The following FCHSD2 variants were observed in gnomAD, a reference collection of about 807,000 sequenced individuals.
FCHSD2 encodes F-BAR and double SH3 domains protein 2.
In FCHSD2, 38 loss-of-function variants were observed where a neutral mutation model predicts 108.1. That is an observed-to-expected ratio of 0.35 (90% CI 0.27 to 0.46). FCHSD2 has a LOEUF of 0.46. Among genes scored for constraint, FCHSD2 ranks in the 20% least tolerant of loss-of-function variants. FCHSD2 has a pLI of 1.00. For synonymous variants in FCHSD2, 279 were observed against 314.7 expected, an observed-to-expected ratio of 0.89 and a Z score of 1.20; for missense variants, 751 against 897.8, an observed-to-expected ratio of 0.84 and a Z score of 2.09.
At chr11:72,864,075 G>A (rs1264834567) in intron 13 of FCHSD2, among the ~76,000 whole-genome samples, 1 of 152,134 alleles carries the variant, frequency 6.6e-6, no homozygotes, top group African/African-American at 2.4e-5. Flanking sequence ...TTATTTATAT[G>A]CAACTCTGCA....
At chr11:72,992,175 G>C (rs1736231113) in intron 5 of FCHSD2, among the ~76,000 whole-genome samples, 1 of 152,090 alleles carries the variant, frequency 6.6e-6, no homozygotes. Flanking sequence ...GCTTCAAAGA[G>C]AATAAAATAC....
At chr11:72,841,849 G>A (rs1860963780) in intron 17 of FCHSD2, among the ~76,000 whole-genome samples, 1 of 151,952 alleles carries the variant, frequency 6.6e-6, no homozygotes, top group Non-Finnish European at 1.5e-5. Context: ...TACTCTCTAG[G>A]GTTCTATTGA....
chr11:73,060,513 G>A (rs540423917), intron 3 of FCHSD2, among the ~76,000 whole-genome samples: 2 of 152,004 alleles, frequency 1.3e-5, no homozygotes, highest in African/African-American at 4.8e-5. Context: ...GTTTTCCAGG[G>A]GAAATAATCA....
chr11:72,915,929 A>T (rs1408800700), intron 9 of FCHSD2, among the ~76,000 whole-genome samples: 1 of 152,252 alleles, frequency 6.6e-6, no homozygotes, highest in Non-Finnish European at 1.5e-5. Flanking sequence ...ACATGAATGG[A>T]GCTGGAGGCC....
chr11:73,105,192 G>T (rs538429743), intron 2 of FCHSD2, among the ~76,000 whole-genome samples: 3 of 152,266 alleles, frequency 2.0e-5, no homozygotes, highest in African/African-American at 4.8e-5. Flanking sequence ...CTGGTTAGGT[G>T]GGGGGAAGAC....
intron 12 of FCHSD2, among the ~76,000 whole-genome samples, chr11:72,880,868 GAA>G (rs147665190): frequency 2.2e-5 from 3 of 134,252 alleles, no homozygotes; most frequent in Admixed American, 7.6e-5. Context: ...ACCCTGTCTC[GAA>G]AAAAAAAAAA....
chr11:73,015,773 G>T (rs762337893), intron 4 of FCHSD2, 36 bp downstream of exon 4: 1 of 1,351,078 alleles, frequency 7.4e-7, no homozygotes, highest in Non-Finnish European at 1.0e-6. Flanking sequence ...AAGTAAAACC[G>T]TTTCTAAAGA....
intron 4 of FCHSD2, among the ~76,000 whole-genome samples, chr11:73,001,719 T>C (rs1290045224): frequency 6.6e-6 from 1 of 152,216 alleles, no homozygotes; most frequent in African/African-American, 2.4e-5. Context: ...GTCTATTTTG[T>C]CTGACAAAAG....
intron 3 of FCHSD2, among the ~76,000 whole-genome samples, chr11:73,038,793 G>A (rs1232423397): frequency 1.3e-5 from 2 of 151,978 alleles, no homozygotes; most frequent in African/African-American, 4.8e-5. Flanking sequence ...TCGGCATCAT[G>A]CAATATATTT....
chr11:73,142,126 G>C lies in FCHSD2; in HGVS notation c.-249C>G, dbSNP rs1861264636. On this transcript the variant is annotated 5_prime_UTR_variant, in exon 1 of 20. Transcript: ENST00000409418. The stretch of plus-strand genomic sequence containing the variant: ...GGCCCGGGCGGCCCGGGCGGCCCGG[G>C]GGTGTGTGAGGAAGGAGGCGGAGAC... 2.7e-6 allele frequency: 1 copy of C among 366,820 alleles called. No individual in the cohort carries two copies. Among genetic ancestry groups the C allele is most frequent in the South Asian group, 5.0e-5 (1 of 20,066 alleles). The allele number at this position is 366,820 out of a possible 1,614,324, so 22.7% of individuals were successfully genotyped here.
intron 2 of FCHSD2, among the ~76,000 whole-genome samples, chr11:73,090,078 GATGA>G (rs1859916887): frequency 6.6e-6 from 1 of 152,046 alleles, no homozygotes; most frequent in Non-Finnish European, 1.5e-5. Context: ...AGGGAAAAAA[GATGA>G]ATTATCAGTA....
At position 72,842,743 on chromosome 11, in the gene FCHSD2, G is replaced by T; in HGVS notation, c.1804C>A (p.Gln602Lys). ...AIIRILNKENQDDDGFWEGEF... is the reference protein window; with the variant it reads ...AIIRILNKENKDDDGFWEGEF... ...CCTTCCCAGAAGCCATCATCATCTT[G>T]GTTTTCTTTGTTCAAGATACGGATT... Residue 602 changes from glutamine (Q) to lysine (K), a missense_variant, in exon 17 of 20, where the codon CAA (glutamine) becomes AAA (lysine). By Grantham distance (53) the Gln-to-Lys change is moderately conservative. Transcript: ENST00000409418. The T allele has an allele frequency of 6.2e-7, 1 of 1,613,856 alleles. No individual in the cohort carries two copies. The highest frequency in any genetic ancestry group is 8.5e-7 in the Non-Finnish European group (1 of 1,179,866).
intron 2 of FCHSD2, among the ~76,000 whole-genome samples, chr11:73,110,453 T>C (rs535297459): frequency 1.3e-5 from 2 of 152,316 alleles, no homozygotes; most frequent in South Asian, 4.1e-4. Context: ...GCATTCCTTC[T>C]AGATTTTTCA....
intron 2 of FCHSD2, among the ~76,000 whole-genome samples, chr11:73,090,634 CAT>C (rs1202685365): frequency 6.6e-5 from 10 of 152,180 alleles, no homozygotes; most frequent in Non-Finnish European, 1.5e-4. Flanking sequence ...TAAAATATTA[CAT>C]GAGACTAGCC....
chr11:73,082,359 A>AAAAG (rs1273784610), intron 3 of FCHSD2, among the ~76,000 whole-genome samples: 5 of 147,814 alleles, frequency 3.4e-5, no homozygotes, highest in Non-Finnish European at 6.0e-5. Flanking sequence ...AAAAAAAAAA[A>AAAAG]AAAGAAAAGA....
intron 5 of FCHSD2, among the ~76,000 whole-genome samples, chr11:72,991,618 A>G (rs890765773): frequency 2.0e-5 from 3 of 152,220 alleles, no homozygotes; most frequent in African/African-American, 7.2e-5. Flanking sequence ...ACGCAAATCA[A>G]TAAACATAAT....
intron 6 of FCHSD2, 33 bp downstream of exon 6, chr11:72,988,929 CAT>C (rs1565356403): frequency 7.1e-6 from 11 of 1,558,520 alleles, no homozygotes; most frequent in Non-Finnish European, 9.6e-6. Flanking sequence ...CATTTATTTG[CAT>C]AATAATTTTC....
intron 3 of FCHSD2, among the ~76,000 whole-genome samples, chr11:73,082,805 T>C (rs1285936016): frequency 6.6e-6 from 1 of 152,214 alleles, no homozygotes; most frequent in Non-Finnish European, 1.5e-5. Flanking sequence ...ATAAAGTAAT[T>C]GCTTAAAGGG....
chr11:73,074,518 C>T (rs189637821), intron 3 of FCHSD2, among the ~76,000 whole-genome samples: 1 of 152,194 alleles, frequency 6.6e-6, no homozygotes, highest in African/African-American at 2.4e-5. Flanking sequence ...CAGAACATTG[C>T]ATAACACACC....
Sources: allele counts gnomAD v4.1 joint callset (sites outside exome capture counted in the v4.1 genomes callset), GRCh38; gene constraint gnomAD v4.1.1; transcripts MANE v1.5; gene names NCBI Gene and HGNC (gene_info 2026-07-23, HGNC 2026-07-21).